Variants in RASEF observed in about 807,000 individuals in gnomAD.
RASEF encodes the protein ras and EF-hand domain-containing protein.
Under a neutral mutation model 90.1 loss-of-function variants are expected in RASEF, and 68 were observed. That is an observed-to-expected ratio of 0.75 (90% CI 0.62 to 0.92). The LOEUF is 0.92. Among genes scored for constraint, RASEF ranks in the 40% least tolerant of loss-of-function variants. The pLI is 0.00. For missense variants in RASEF, 949 were observed against 937.2 expected (o/e 1.01, Z -0.16); for synonymous variants, 331 against 345.2 (o/e 0.96, Z 0.46).
chr9:83,007,291 C>CA, intron 7 of RASEF, 146 bp downstream of exon 7: 1 of 666,558 alleles, frequency 1.5e-6, no homozygotes, highest in East Asian at 2.6e-5. Context: ...GAGGAGATGC[C>CA]AAGTGCACAC....
At chr9:83,118,881 G>T in the RASEF span, among the ~76,000 whole-genome samples, 1 of 152,144 alleles carries the variant, frequency 6.6e-6, no homozygotes, top group South Asian at 2.1e-4. Flanking sequence ...CTTTTGCTAT[G>T]ACACATTGGG....
At chr9:83,152,882 G>A in the RASEF span, among the ~76,000 whole-genome samples, 1 of 152,080 alleles carries the variant, frequency 6.6e-6, no homozygotes, top group Non-Finnish European at 1.5e-5. Flanking sequence ...CTGTTGACAA[G>A]ACTAATCCTT....
chr9:83,088,238 T>C, the RASEF span, among the ~76,000 whole-genome samples: 2 of 152,044 alleles, frequency 1.3e-5, no homozygotes, highest in Non-Finnish European at 2.9e-5. Flanking sequence ...TCTCTATATA[T>C]TTATATCGAT....
the RASEF span, among the ~76,000 whole-genome samples, chr9:83,218,847 C>T: frequency 6.6e-6 from 1 of 152,146 alleles, no homozygotes; most frequent in East Asian, 1.9e-4. Context: ...GGTCTGGGAA[C>T]TATCCCAGCG....
At chr9:83,100,767 G>C in the RASEF span, among the ~76,000 whole-genome samples, 1 of 152,200 alleles carries the variant, frequency 6.6e-6, no homozygotes, top group Admixed American at 6.5e-5. Context: ...ACAGGGAAGA[G>C]AGGAAGTTAA....
the RASEF span, among the ~76,000 whole-genome samples, chr9:83,068,924 A>C: frequency 6.6e-6 from 1 of 152,202 alleles, no homozygotes. Flanking sequence ...GTTTATGTTA[A>C]AATAAGTAGC....
At chr9:83,192,802 A>G in the RASEF span, among the ~76,000 whole-genome samples, 2 of 152,136 alleles carry the variant, frequency 1.3e-5, no homozygotes, top group African/African-American at 4.8e-5. Flanking sequence ...TGCTCACTAC[A>G]TCACAAGCGA....
chr9:83,011,920 T>C (rs1829253873), intron 5 of RASEF, among the ~76,000 whole-genome samples: 1 of 152,142 alleles, frequency 6.6e-6, no homozygotes, highest in African/African-American at 2.4e-5. Flanking sequence ...AGTGAAAATA[T>C]TTAGAATCAT....
At chr9:83,178,103 C>T in the RASEF span, among the ~76,000 whole-genome samples, 23 of 151,994 alleles carry the variant, frequency 1.5e-4, no homozygotes, top group Admixed American at 3.9e-4. Context: ...TCATTCTCAC[C>T]GGCAATTATT....
At chr9:83,131,428 C>A in the RASEF span, among the ~76,000 whole-genome samples, 1 of 152,158 alleles carries the variant, frequency 6.6e-6, no homozygotes, top group Admixed American at 6.5e-5. Context: ...TATCCTCTAA[C>A]AACTGTATAC....
the RASEF span, among the ~76,000 whole-genome samples, chr9:83,207,605 T>C: frequency 3.0e-5 from 3 of 99,064 alleles, no homozygotes; most frequent in Admixed American, 1.9e-4. Context: ...CTGCTTTTTT[T>C]TTTTTTTTTT....
At chr9:83,005,529 G>C (rs1273057161) in intron 7 of RASEF, 29 bp from the exon 8 acceptor site, 5 of 1,542,738 alleles carry the variant, frequency 3.2e-6, no homozygotes, top group Non-Finnish European at 4.5e-6. Context: ...AGCAGAAAGA[G>C]AGACAAGGAA....
chr9:83,166,410 T>C, the RASEF span, among the ~76,000 whole-genome samples: 7 of 152,100 alleles, frequency 4.6e-5, no homozygotes, highest in African/African-American at 1.7e-4. Flanking sequence ...GAACTCTTAA[T>C]TACACTTGAC....
At chr9:83,004,629 A>G (rs781557740) in intron 8 of RASEF, 43 bp from the exon 9 acceptor site, 2 of 1,252,258 alleles carry the variant, frequency 1.6e-6, no homozygotes, top group East Asian at 4.7e-5. Flanking sequence ...TGTAATTTTC[A>G]TGTAAACATT....
chr9:83,171,024 AT>A, the RASEF span, among the ~76,000 whole-genome samples: 1 of 151,780 alleles, frequency 6.6e-6, no homozygotes, highest in East Asian at 1.9e-4. Flanking sequence ...AAAGCTTTCA[AT>A]TTTTCCCCAT....
At chr9:83,211,287 A>G in the RASEF span, among the ~76,000 whole-genome samples, 1 of 151,432 alleles carries the variant, frequency 6.6e-6, no homozygotes, top group Non-Finnish European at 1.5e-5. Flanking sequence ...TTTTTCTTTT[A>G]TATTTTTAGA....
chr9:83,062,794 G>C lies in RASEF; in HGVS notation c.74C>G (p.Ser25Trp), dbSNP rs759532207. The C allele has an allele frequency of 1.9e-6, 3 of 1,556,262 alleles. No homozygotes were observed. Among genetic ancestry groups the C allele is most frequent in the African/African-American group, 2.8e-5 (2 of 72,232 alleles). ...GAACTCCTCGCGCTCCAGGCGCCCC[G>C]AGCGGTTCGCGTCGCAGGCGGCGAA... ...SVFAACDANR[S>W]GRLEREEFRA... The change falls in exon 1 of 17, where the codon TCG becomes TGG. Residue 25 changes from serine (S) to tryptophan (W), a missense_variant. Coordinates refer to ENST00000376447, the MANE Select transcript of RASEF (RefSeq NM_152573.4).
the RASEF span, among the ~76,000 whole-genome samples, chr9:83,206,427 A>G: frequency 6.6e-6 from 1 of 152,258 alleles, no homozygotes; most frequent in Admixed American, 6.5e-5. Context: ...ACGACAAGAC[A>G]GCAAAATGAA....
At chr9:83,026,881 C>G (rs1829558480) in intron 1 of RASEF, among the ~76,000 whole-genome samples, 1 of 152,022 alleles carries the variant, frequency 6.6e-6, no homozygotes, top group Admixed American at 6.6e-5. Flanking sequence ...CTGACACTAC[C>G]CAGAGTCAGC....
Sources: allele counts gnomAD v4.1 joint callset (sites outside exome capture counted in the v4.1 genomes callset), GRCh38; gene constraint gnomAD v4.1.1; transcripts MANE v1.5; gene names NCBI Gene and HGNC (gene_info 2026-07-23, HGNC 2026-07-21).